The following PPARGC1A variants were observed in gnomAD, a reference collection of about 807,000 sequenced individuals.
PPARGC1A encodes peroxisome proliferator-activated receptor gamma coactivator 1-alpha.
A neutral mutation model predicts 88.7 loss-of-function variants in PPARGC1A; 25 were observed. The observed-to-expected ratio is 0.28, with a 90% CI of 0.21 to 0.39. The LOEUF is 0.39. Ranked by LOEUF, PPARGC1A falls within the 10% of genes least tolerant of loss-of-function variation. The probability of loss-of-function intolerance (pLI) is 1.00; values close to 1 mark genes in which losing one functional copy is unlikely to be tolerated. For missense variants in PPARGC1A, 880 were observed against 968.7 expected, an observed-to-expected ratio of 0.91 and a Z score of 1.22; for synonymous variants, 363 against 355.6, an observed-to-expected ratio of 1.02 and a Z score of -0.24.
intron 1 of PPARGC1A, among the ~76,000 whole-genome samples, chr4:23,885,960 C>A (rs973192588): frequency 1.3e-5 from 2 of 152,136 alleles, no homozygotes; most frequent in South Asian, 2.1e-4. Flanking sequence ...TTTTACCATG[C>A]GGCTTTTGGA....
chr4:24,073,225 G>C, the PPARGC1A span, among the ~76,000 whole-genome samples: 5 of 152,054 alleles, frequency 3.3e-5, no homozygotes, highest in East Asian at 9.7e-4. Context: ...TGTATTTTTG[G>C]TAGAGATGGG....
the PPARGC1A span, among the ~76,000 whole-genome samples, chr4:24,194,592 A>C: frequency 6.6e-6 from 1 of 152,020 alleles, no homozygotes; most frequent in African/African-American, 2.4e-5. Flanking sequence ...CCAAGATCAG[A>C]CACCAGTGGG....
At chr4:24,036,385 C>A in the PPARGC1A span, among the ~76,000 whole-genome samples, 711 of 152,204 alleles carry the variant, frequency 4.7e-3, 6 homozygotes, top group African/African-American at 0.016. Context: ...AAATTGCACT[C>A]CTGGGTTTAT....
At chr4:24,187,815 C>T in the PPARGC1A span, among the ~76,000 whole-genome samples, 1 of 152,084 alleles carries the variant, frequency 6.6e-6, no homozygotes, top group Non-Finnish European at 1.5e-5. Context: ...AGTAAGCATA[C>T]CAGCAAATAT....
At chr4:24,077,481 C>T in the PPARGC1A span, among the ~76,000 whole-genome samples, 2 of 151,904 alleles carry the variant, frequency 1.3e-5, no homozygotes, top group African/African-American at 2.4e-5. Flanking sequence ...ATATAATTAT[C>T]TATCCTCTCC....
chr4:24,205,704 A>G, the PPARGC1A span, among the ~76,000 whole-genome samples: 1 of 152,306 alleles, frequency 6.6e-6, no homozygotes, highest in African/African-American at 2.4e-5. Context: ...AGGCTGGAAT[A>G]TGATCACTAT....
intron 5 of PPARGC1A, among the ~76,000 whole-genome samples, chr4:23,825,598 T>A (rs1723786261): frequency 6.6e-6 from 1 of 152,122 alleles, no homozygotes; most frequent in South Asian, 2.1e-4. Flanking sequence ...TCAAAAGAAA[T>A]TGCATTCAAC....
At chr4:24,082,570 G>A in the PPARGC1A span, among the ~76,000 whole-genome samples, 3 of 152,108 alleles carry the variant, frequency 2.0e-5, no homozygotes, top group Non-Finnish European at 2.9e-5. Context: ...TGAGAGAATC[G>A]CTGCATTCAA....
At chr4:24,305,946 GA>G in the PPARGC1A span, among the ~76,000 whole-genome samples, 1 of 152,314 alleles carries the variant, frequency 6.6e-6, no homozygotes, top group Admixed American at 6.5e-5. Flanking sequence ...TACAACATCT[GA>G]AGATGGGCTG....
At chr4:24,044,612 T>G in the PPARGC1A span, among the ~76,000 whole-genome samples, 1 of 152,170 alleles carries the variant, frequency 6.6e-6, no homozygotes, top group Non-Finnish European at 1.5e-5. Flanking sequence ...CTTAGGCATA[T>G]TGAACTGCTC....
the PPARGC1A span, among the ~76,000 whole-genome samples, chr4:24,294,979 G>T: frequency 6.6e-6 from 1 of 152,260 alleles, no homozygotes; most frequent in Non-Finnish European, 1.5e-5. Flanking sequence ...CCCATGGGGG[G>T]ACTAGTAGGG....
chr4:24,068,036 C>T, the PPARGC1A span, among the ~76,000 whole-genome samples: 1 of 152,136 alleles, frequency 6.6e-6, no homozygotes, highest in Non-Finnish European at 1.5e-5. Flanking sequence ...GTGGTCTGCA[C>T]ATTCACTTGT....
Position 23,794,724 on chromosome 4 carries a change from C to T in PPARGC1A, c.*1098G>A, listed in dbSNP as rs1423527368. ...ATAGTATATACATAAAATAAAAATACTCCATTTAACATCTGTAAATACTTA... is the reference window on the plus strand; with the variant it reads ...ATAGTATATACATAAAATAAAAATATTCCATTTAACATCTGTAAATACTTA... On this transcript the variant is annotated 3_prime_UTR_variant, in exon 13 of 13. Transcript: ENST00000264867. 6.6e-6 allele frequency: 1 copy of T among 152,378 alleles called. No individual in the cohort carries two copies. Among genetic ancestry groups the T allele is most frequent in the Non-Finnish European group, 1.5e-5 (1 of 67,990 alleles). 9.4% of individuals were successfully genotyped at this position (152,378 alleles called of 1,614,324 possible).
At chr4:24,057,718 C>G in the PPARGC1A span, among the ~76,000 whole-genome samples, 434 of 152,208 alleles carry the variant, frequency 2.9e-3, 1 homozygote, top group Non-Finnish European at 3.7e-3. Context: ...ACTTCAATCC[C>G]AGAATGCAAA....
chr4:24,343,326 G>A, the PPARGC1A span, among the ~76,000 whole-genome samples: 1 of 152,188 alleles, frequency 6.6e-6, no homozygotes, highest in Non-Finnish European at 1.5e-5. Flanking sequence ...TTTAGAAGGC[G>A]ATTGGGCCAT....
At chr4:24,153,752 AG>A in the PPARGC1A span, among the ~76,000 whole-genome samples, 1 of 152,188 alleles carries the variant, frequency 6.6e-6, no homozygotes, top group Non-Finnish European at 1.5e-5. Context: ...GCTGATGAGT[AG>A]AAGTGGTGTG....
chr4:23,884,496 AAC>A (rs1317883419), intron 2 of PPARGC1A: 5 of 410,492 alleles, frequency 1.2e-5, no homozygotes, highest in Non-Finnish European at 1.7e-5. Flanking sequence ...TTAGTATTTC[AAC>A]ACAGTTTAAC....
chr4:24,151,791 A>G, the PPARGC1A span, among the ~76,000 whole-genome samples: 1 of 152,302 alleles, frequency 6.6e-6, no homozygotes, highest in African/African-American at 2.4e-5. Context: ...AGAGGTCACA[A>G]TCTCAACTTA....
At chr4:24,235,212 T>C in the PPARGC1A span, among the ~76,000 whole-genome samples, 1 of 152,090 alleles carries the variant, frequency 6.6e-6, no homozygotes, top group Non-Finnish European at 1.5e-5. Flanking sequence ...GAAACTGACA[T>C]TTATAAGAAT....
Sources: allele counts gnomAD v4.1 joint callset (sites outside exome capture counted in the v4.1 genomes callset), GRCh38; gene constraint gnomAD v4.1.1; transcripts MANE v1.5; gene names NCBI Gene and HGNC (gene_info 2026-07-23, HGNC 2026-07-21).